The following CEP350 variants were observed in gnomAD, a reference collection of about 807,000 sequenced individuals.
The protein encoded by CEP350 is centrosome-associated protein 350.
A neutral mutation model predicts 331.8 loss-of-function variants in CEP350; 126 were observed. That is an observed-to-expected ratio of 0.38 (90% confidence interval 0.33 to 0.44). The LOEUF (loss-of-function observed/expected upper bound fraction) is 0.44, where lower values mean the gene tolerates loss of function less well. Among genes scored for constraint, CEP350 ranks in the 20% least tolerant of loss-of-function variants. The pLI, the probability that CEP350 is intolerant of heterozygous loss-of-function variation, is 1.00. For missense variants in CEP350, 3,406 were observed against 3,634.6 expected, an observed-to-expected ratio of 0.94 and a Z score of 1.62; for synonymous variants, 1,200 against 1,259.5, an observed-to-expected ratio of 0.95 and a Z score of 1.00.
chr1:179,964,248 T>A (rs1650830811), intron 1 of CEP350, among the ~76,000 whole-genome samples: 1 of 152,134 alleles, frequency 6.6e-6, no homozygotes, highest in African/African-American at 2.4e-5. Context: ...ACAGAGATAA[T>A]TTGAGTTTCT....
Position 180,014,368 on chromosome 1 carries a change from GC to G in CEP350, c.1917del (p.Phe640LeufsTer4). The G allele has an allele frequency of 6.3e-7, 1 of 1,593,490 alleles. No individual in the cohort carries two copies. The highest frequency in any genetic ancestry group is 1.1e-5 in the South Asian group (1 of 87,754). ...AGAGCTCTACCGGAAGCAGAAGGAA[GC>G]CTTTACTAAAGTAAAAAATGTCCCT... is the stretch of plus-strand genomic sequence containing the variant. ...LQELYRKQKE[A>X]FTKVKNVPPS... On this transcript the variant is annotated frameshift_variant, in exon 10 of 38. Coordinates refer to ENST00000367607, the MANE Select transcript of CEP350 (RefSeq NM_014810.5). LOFTEE classifies it high-confidence loss of function.
At position 180,021,025 on chromosome 1, in the gene CEP350, A is replaced by G. The variant is rs1244815519; in HGVS notation, c.3235+16A>G. 2 of 1,477,132 alleles carry G rather than the reference A, an allele frequency of 1.4e-6. No homozygotes were observed. The highest frequency in any genetic ancestry group is 9.0e-7 in the Non-Finnish European group (1 of 1,115,866). The allele number at this position is 1,477,132 out of a possible 1,614,324, so 91.5% of individuals were successfully genotyped here. ...TATGGAAAAGGTGAGAAAAATAAATATAGCTTGTACTGTTTGTATATTAAG... is the reference window on the plus strand; with the variant it reads ...TATGGAAAAGGTGAGAAAAATAAATGTAGCTTGTACTGTTTGTATATTAAG... On this transcript the variant is annotated intron_variant, in intron 12 of 37. Transcript: ENST00000367607.
At chr1:180,090,545 C>CAAAAAAA (rs36128628) in intron 32 of CEP350, among the ~76,000 whole-genome samples, 169 bp from the exon 33 acceptor site, 55 of 77,312 alleles carry the variant, frequency 7.1e-4, no homozygotes, top group African/African-American at 1.3e-3. Context: ...GACTCCGTCT[C>CAAAAAAA]AAAAAAAAAA....
At chr1:180,056,589 C>A (rs1360247520) in intron 25 of CEP350, among the ~76,000 whole-genome samples, 2 of 151,372 alleles carry the variant, frequency 1.3e-5, no homozygotes, top group East Asian at 3.9e-4. Flanking sequence ...CTCACCTAAG[C>A]CTCCCCTGTA....
intron 10 of CEP350, 64 bp downstream of exon 10, chr1:180,014,569 TA>T: frequency 7.0e-7 from 1 of 1,422,768 alleles, no homozygotes; most frequent in Middle Eastern, 1.8e-4. Context: ...TTTGCTATAC[TA>T]TTTAAAAATT....
At chr1:180,063,015 C>A (rs746021482) in intron 26 of CEP350, among the ~76,000 whole-genome samples, 1 of 152,066 alleles carries the variant, frequency 6.6e-6, no homozygotes, top group African/African-American at 2.4e-5. Flanking sequence ...TTTTCACTTA[C>A]AAACTAAATT....
chr1:180,016,495 A>G lies in CEP350; in HGVS notation c.2174+525A>G, dbSNP rs1049676949. 4.6e-5 allele frequency among the ~76,000 whole-genome samples: 7 copies of G among 152,182 alleles called. No individual in the cohort carries two copies. In the South Asian group the frequency reaches 6.2e-4, roughly 13 times the overall value. On this transcript the variant is annotated intron_variant, in intron 11 of 37. Coordinates refer to ENST00000367607, the MANE Select transcript of CEP350 (RefSeq NM_014810.5). ...TTTTTGCTGTAATATATTGTTTGCAATAAAGTAAACAAAAAAACTGTGAGT... is the reference window on the plus strand; with the variant it reads ...TTTTTGCTGTAATATATTGTTTGCAGTAAAGTAAACAAAAAAACTGTGAGT...
intron 1 of CEP350, among the ~76,000 whole-genome samples, chr1:179,963,105 GTCT>G (rs1650752755): frequency 2.0e-5 from 3 of 151,932 alleles, no homozygotes; most frequent in South Asian, 2.1e-4. Context: ...CCACTTGTAT[GTCT>G]TCTTTTGAGA....
intron 21 of CEP350, among the ~76,000 whole-genome samples, chr1:180,047,335 C>T (rs753668644): frequency 2.2e-4 from 33 of 152,124 alleles, no homozygotes; most frequent in Non-Finnish European, 3.8e-4. Context: ...CAGAAGTTCA[C>T]ATGGCATTTC....
intron 27 of CEP350, among the ~76,000 whole-genome samples, chr1:180,069,378 A>T (rs539701230): frequency 6.6e-6 from 1 of 152,350 alleles, no homozygotes; most frequent in African/African-American, 2.4e-5. Flanking sequence ...TCTGAATTTT[A>T]AAAATGAAGG....
intron 1 of CEP350, among the ~76,000 whole-genome samples, chr1:179,959,495 C>G (rs759922831): frequency 6.6e-6 from 1 of 152,004 alleles, no homozygotes; most frequent in Non-Finnish European, 1.5e-5. Context: ...TGTCTCATGC[C>G]TATAATCCCA....
chr1:180,053,988 T>A (rs1657661905), intron 24 of CEP350, 54 bp downstream of exon 24: 2 of 1,330,306 alleles, frequency 1.5e-6, no homozygotes, highest in Admixed American at 4.9e-5. Context: ...AATGGAATGC[T>A]TTATATTTTA....
intron 11 of CEP350, 64 bp from the exon 12 acceptor site, chr1:180,019,885 T>TAA: frequency 2.7e-5 from 35 of 1,297,102 alleles, no homozygotes; most frequent in Middle Eastern, 2.0e-4. Flanking sequence ...TATAATCAGA[T>TAA]AAAAAAAAAA....
intron 1 of CEP350, among the ~76,000 whole-genome samples, chr1:179,975,676 CCAATTTATTAAGAGTA>C (rs1651810686): frequency 6.6e-6 from 1 of 151,846 alleles, no homozygotes; most frequent in African/African-American, 2.4e-5. Flanking sequence ...GCATGTTAAT[CCAATTTATTAAGAGTA>C]CAAGAAGAAA....
intron 37 of CEP350, among the ~76,000 whole-genome samples, chr1:180,102,654 C>T (rs1359399744): frequency 1.3e-5 from 2 of 151,970 alleles, no homozygotes; most frequent in East Asian, 1.9e-4. Context: ...GTTTCTGCAT[C>T]CTTTTCCTTC....
At chr1:180,044,897 A>G (rs1005961487) in intron 21 of CEP350, among the ~76,000 whole-genome samples, 13 of 31,156 alleles carry the variant, frequency 4.2e-4, no homozygotes, top group African/African-American at 6.5e-4. Context: ...TGATTATAGG[A>G]AAAAAAAAAA....
intron 1 of CEP350, among the ~76,000 whole-genome samples, chr1:179,983,801 T>C (rs1450704576): frequency 6.6e-6 from 1 of 152,142 alleles, no homozygotes; most frequent in Non-Finnish European, 1.5e-5. Context: ...GTAAGGCAAA[T>C]AACTCATTAA....
At chr1:180,023,980 TTAAA>T (rs1184056785) in intron 13 of CEP350, among the ~76,000 whole-genome samples, 1 of 152,074 alleles carries the variant, frequency 6.6e-6, no homozygotes, top group Non-Finnish European at 1.5e-5. Flanking sequence ...TATGAAATTT[TTAAA>T]TAAAAACCTT....
intron 1 of CEP350, among the ~76,000 whole-genome samples, chr1:179,982,223 A>G (rs1652324738): frequency 6.6e-6 from 1 of 152,138 alleles, no homozygotes. Flanking sequence ...CTCTCTAGCC[A>G]CTTCAAGGGT....
Sources: gnomAD v4.1 joint callset for allele counts (sites outside exome capture counted in the v4.1 genomes callset) on GRCh38, gnomAD v4.1.1 for gene constraint, MANE v1.5 for transcripts, NCBI Gene and HGNC (gene_info 2026-07-23, HGNC 2026-07-21) for gene names.